The following HPSE2 variants were observed in gnomAD, a reference collection of about 807,000 sequenced individuals.
HPSE2 encodes inactive heparanase-2.
HPSE2 carries 38 observed loss-of-function variants against 60.5 expected under a neutral mutation model. That is an observed-to-expected ratio of 0.63 (90% CI 0.48 to 0.82). The LOEUF (loss-of-function observed/expected upper bound fraction) is 0.82. Ranked by LOEUF, HPSE2 falls within the 40% of genes least tolerant of loss-of-function variation. The pLI is 0.00. For missense variants in HPSE2, 713 were observed against 740.4 expected, an observed-to-expected ratio of 0.96 and a Z score of 0.43; for synonymous variants, 295 against 293.2, an observed-to-expected ratio of 1.01 and a Z score of -0.06.
intron 9 of HPSE2, among the ~76,000 whole-genome samples, chr10:98,496,870 T>C (rs1160623239): frequency 4.6e-5 from 7 of 152,174 alleles, no homozygotes; most frequent in Admixed American, 1.3e-4. Context: ...TATCACTTTT[T>C]ATGGTTTTTT....
chr10:98,941,349 G>A (rs11189893), intron 3 of HPSE2, among the ~76,000 whole-genome samples: 51,596 of 108,956 alleles, frequency 0.47, 14,260 homozygotes, highest in East Asian at 0.6. Flanking sequence ...GTCTCAGCCC[G>A]AAATCTCCTT....
chr10:98,766,815 C>T (rs1950129053), intron 3 of HPSE2, among the ~76,000 whole-genome samples: 1 of 152,220 alleles, frequency 6.6e-6, no homozygotes, highest in South Asian at 2.1e-4. Context: ...GTCCCAGCTA[C>T]TCAGGAGACT....
At chr10:98,880,318 A>G (rs1952988393) in intron 3 of HPSE2, among the ~76,000 whole-genome samples, 2 of 152,076 alleles carry the variant, frequency 1.3e-5, no homozygotes, top group Admixed American at 1.3e-4. Flanking sequence ...TTATAGTCAC[A>G]ACTAAGTATC....
chr10:99,136,375 C>T (rs1460375618), intron 3 of HPSE2, among the ~76,000 whole-genome samples: 1 of 152,142 alleles, frequency 6.6e-6, no homozygotes, highest in Non-Finnish European at 1.5e-5. Flanking sequence ...AGGGAATCCT[C>T]CCTAACTCAT....
intron 3 of HPSE2, among the ~76,000 whole-genome samples, chr10:98,942,825 C>T (rs1470908168): frequency 2.6e-5 from 4 of 151,802 alleles, no homozygotes; most frequent in Non-Finnish European, 5.9e-5. Context: ...AGACTTGGAA[C>T]CAACCCAAGT....
intron 3 of HPSE2, among the ~76,000 whole-genome samples, chr10:98,962,501 T>G (rs1426236092): frequency 6.6e-6 from 1 of 151,852 alleles, no homozygotes; most frequent in Non-Finnish European, 1.5e-5. Flanking sequence ...ACTGGAAGCA[T>G]TCCCTTTGAA....
At chr10:98,765,123 C>G (rs1256297778) in intron 3 of HPSE2, among the ~76,000 whole-genome samples, 1 of 152,080 alleles carries the variant, frequency 6.6e-6, no homozygotes, top group Admixed American at 6.5e-5. Flanking sequence ...ATCAATAGAA[C>G]AAGTAGATGG....
intron 4 of HPSE2, among the ~76,000 whole-genome samples, chr10:98,737,073 T>C (rs1589737151): frequency 6.6e-6 from 1 of 152,052 alleles, no homozygotes; most frequent in Non-Finnish European, 1.5e-5. Context: ...TTTTTCTTCC[T>C]CCTCCTCTTT....
intron 1 of HPSE2, among the ~76,000 whole-genome samples, chr10:99,235,123 C>CACACAT (rs1420906760): frequency 6.6e-6 from 1 of 151,540 alleles, no homozygotes; most frequent in Non-Finnish European, 1.5e-5. Context: ...CACACACACA[C>CACACAT]ACACATACCC....
chr10:98,956,542 C>A (rs567031360), intron 3 of HPSE2, among the ~76,000 whole-genome samples: 1 of 152,252 alleles, frequency 6.6e-6, no homozygotes, highest in Admixed American at 6.5e-5. Context: ...AAATCTCTAC[C>A]ATACCTAGTG....
chr10:98,677,905 G>A (rs549522220), intron 6 of HPSE2, among the ~76,000 whole-genome samples: 12 of 152,236 alleles, frequency 7.9e-5, no homozygotes, highest in Admixed American at 1.3e-4. Flanking sequence ...GCTATTATTA[G>A]AGTCATTTTG....
chr10:99,015,675 G>C (rs1310740962), intron 3 of HPSE2, among the ~76,000 whole-genome samples: 1 of 151,996 alleles, frequency 6.6e-6, no homozygotes, highest in Non-Finnish European at 1.5e-5. Flanking sequence ...TTGTGGGGTG[G>C]GGGGAGAGGG....
At chr10:98,684,492 C>T (rs1400567376) in intron 6 of HPSE2, among the ~76,000 whole-genome samples, 1 of 152,092 alleles carries the variant, frequency 6.6e-6, no homozygotes, top group Non-Finnish European at 1.5e-5. Context: ...CATAGCATAC[C>T]ACATGTCCCT....
At chr10:98,955,743 T>C (rs976595404) in intron 3 of HPSE2, among the ~76,000 whole-genome samples, 9 of 152,212 alleles carry the variant, frequency 5.9e-5, no homozygotes, top group African/African-American at 2.2e-4. Context: ...AAAGAAAATG[T>C]GGTACATATA....
At chr10:98,599,492 G>A (rs963687897) in intron 9 of HPSE2, among the ~76,000 whole-genome samples, 10 of 152,160 alleles carry the variant, frequency 6.6e-5, no homozygotes, top group East Asian at 1.9e-4. Context: ...CTTGACTGGT[G>A]CAGGGCGGGT....
chr10:98,530,219 C>G (rs1335727582), intron 9 of HPSE2, among the ~76,000 whole-genome samples: 1 of 152,172 alleles, frequency 6.6e-6, no homozygotes, highest in Non-Finnish European at 1.5e-5. Flanking sequence ...CTCTCCTGCT[C>G]AAAGGTACTA....
At chr10:98,889,253 GCTGACTGCAAC>G (rs1477812357) in intron 3 of HPSE2, among the ~76,000 whole-genome samples, 1 of 151,896 alleles carries the variant, frequency 6.6e-6, no homozygotes, top group Non-Finnish European at 1.5e-5. Flanking sequence ...CCCAGGTTGG[GCTGACTGCAAC>G]CTCTGCACCC....
chr10:99,283,074 T>C, the HPSE2 span, among the ~76,000 whole-genome samples: 1 of 151,804 alleles, frequency 6.6e-6, no homozygotes, highest in Non-Finnish European at 1.5e-5. Context: ...TAGTCCCAGC[T>C]ACTGGGGAGT....
chr10:98,825,088 G>A (rs1270362744), intron 3 of HPSE2, among the ~76,000 whole-genome samples: 2 of 152,158 alleles, frequency 1.3e-5, no homozygotes, highest in Non-Finnish European at 2.9e-5. Flanking sequence ...CACTACTCAA[G>A]TATACCTTAA....
Sources: gnomAD v4.1 joint callset for allele counts (sites outside exome capture counted in the v4.1 genomes callset) on GRCh38, gnomAD v4.1.1 for gene constraint, MANE v1.5 for transcripts, NCBI Gene and HGNC (gene_info 2026-07-23, HGNC 2026-07-21) for gene names.